Variants in SLC14A2 observed in about 807,000 individuals in gnomAD.
SLC14A2 encodes the protein urea transporter 2.
Under a neutral mutation model 104.6 loss-of-function variants are expected in SLC14A2, and 91 were observed. That is an observed-to-expected ratio of 0.87 (90% CI 0.73 to 1.04). The LOEUF (loss-of-function observed/expected upper bound fraction) is 1.04, where lower values mean the gene tolerates loss of function less well. SLC14A2 is among the 50% of genes least tolerant of loss of function. The probability of loss-of-function intolerance (pLI) is 0.00; values close to 1 mark genes in which losing one functional copy is unlikely to be tolerated. For synonymous variants in SLC14A2, 476 were observed against 466.4 expected, an observed-to-expected ratio of 1.02 and a Z score of -0.27; for missense variants, 1,189 against 1,156.0, an observed-to-expected ratio of 1.03 and a Z score of -0.41.
intron 2 of SLC14A2, among the ~76,000 whole-genome samples, chr18:45,550,730 G>C (rs1190267179): frequency 1.3e-5 from 2 of 152,130 alleles, no homozygotes; most frequent in African/African-American, 4.8e-5. Context: ...GCTGTTTAAG[G>C]CTGGATCTGA....
At chr18:45,327,648 T>G (rs1169108773) in intron 1 of SLC14A2, among the ~76,000 whole-genome samples, 2 of 151,330 alleles carry the variant, frequency 1.3e-5, no homozygotes, top group African/African-American at 2.5e-5. Context: ...TGTCCTTTTG[T>G]GTCTGGCTTC....
At chr18:45,342,121 C>T (rs1294269891) in intron 1 of SLC14A2, among the ~76,000 whole-genome samples, 1 of 152,182 alleles carries the variant, frequency 6.6e-6, no homozygotes, top group African/African-American at 2.4e-5. Context: ...AATGAAGTAG[C>T]TGTACATTTC....
chr18:45,358,295 G>A (rs1189886284), intron 1 of SLC14A2, among the ~76,000 whole-genome samples: 1 of 152,170 alleles, frequency 6.6e-6, no homozygotes, highest in Non-Finnish European at 1.5e-5. Context: ...ATGACGCTTG[G>A]ACAGCAGCCT....
chr18:45,626,977 G>A lies in SLC14A2; in HGVS notation c.351G>A (p.Gln117=), dbSNP rs775882389. The A allele has an allele frequency of 1.2e-6, 2 of 1,612,090 alleles. No homozygotes were observed. Among genetic ancestry groups the A allele is most frequent in the South Asian group, 2.2e-5 (2 of 90,972 alleles). Reference sequence around the variant, plus strand: ...TTTCAGACAAGCACCTTGCCCTCCAGTTCATAGACTGGGTCCTGAGAGGGA... The same window carrying A: ...TTTCAGACAAGCACCTTGCCCTCCAATTCATAGACTGGGTCCTGAGAGGGA... The part of the protein sequence containing the change: ...IWLKDKHLAL[Q]FIDWVLRGTA... The change falls in exon 4 of 20, where the codon CAG becomes CAA. Residue 117 remains glutamine, a synonymous_variant. Transcript: ENST00000255226.
At chr18:45,219,772 G>C (rs1020395250) in intron 1 of SLC14A2, among the ~76,000 whole-genome samples, 54 of 152,134 alleles carry the variant, frequency 3.5e-4, no homozygotes, top group African/African-American at 1.2e-3. Flanking sequence ...CAGTGTTATT[G>C]AGGGACAGAG....
chr18:45,673,923 C>G, intron 18 of SLC14A2, 106 bp downstream of exon 18: 3 of 1,129,030 alleles, frequency 2.7e-6, no homozygotes, highest in Non-Finnish European at 3.8e-6. Context: ...AGATTAAACA[C>G]TATTTTCACT....
chr18:45,511,174 G>T (rs2043361087), intron 2 of SLC14A2, among the ~76,000 whole-genome samples: 1 of 151,960 alleles, frequency 6.6e-6, no homozygotes, highest in African/African-American at 2.4e-5. Flanking sequence ...CACATCCTTG[G>T]CACTTGTTTC....
chr18:45,181,259 A>G, the SLC14A2 span: 1 of 152,236 alleles, frequency 6.6e-6, no homozygotes, highest in African/African-American at 2.4e-5. Context: ...TCTTGCTTTC[A>G]GACTTCTTCA....
chr18:45,209,058 C>G (rs1006358293), upstream of SLC14A2, among the ~76,000 whole-genome samples: 2 of 149,394 alleles, frequency 1.3e-5, no homozygotes, highest in African/African-American at 4.9e-5. Context: ...CAACTGTGGC[C>G]GAGCACGGTG....
At chr18:45,604,441 C>A (rs2044836933) in intron 2 of SLC14A2, among the ~76,000 whole-genome samples, 1 of 151,894 alleles carries the variant, frequency 6.6e-6, no homozygotes, top group Non-Finnish European at 1.5e-5. Flanking sequence ...TACTCCAAAT[C>A]ATGCAGTCTA....
rs1177653085 is a variant in SLC14A2 at position 45,644,145 on chromosome 18, G to A, written c.1336G>A (p.Glu446Lys). 3 of 1,614,216 alleles carry A rather than the reference G, an allele frequency of 1.9e-6. No homozygotes were observed. Among genetic ancestry groups the A allele is most frequent in the Non-Finnish European group, 2.5e-6 (3 of 1,180,026 alleles). ...YYLTVKSGEE[E>K]KAPSGGGGEH... ...CCTGACAGTGAAAAGCGGTGAAGAA[G>A]AGAAGGCCCCCAGCGGTGAATAGCC... The change falls in exon 10 of 20, where the codon GAG (glutamate) becomes AAG (lysine). Residue 446 changes from glutamate (E) to lysine (K), a missense_variant. Physicochemically the swap from Glu to Lys is moderately conservative, Grantham distance 56. Coordinates refer to ENST00000255226, the MANE Select transcript of SLC14A2 (RefSeq NM_007163.4).
chr18:45,527,070 G>A (rs1243629879), intron 2 of SLC14A2, among the ~76,000 whole-genome samples: 2 of 152,142 alleles, frequency 1.3e-5, no homozygotes, highest in East Asian at 1.9e-4. Flanking sequence ...CCCAGAGAGG[G>A]GCATGACTTG....
intron 1 of SLC14A2, among the ~76,000 whole-genome samples, chr18:45,304,382 G>T (rs980875938): frequency 1.1e-4 from 16 of 152,180 alleles, no homozygotes; most frequent in Admixed American, 9.8e-4. Flanking sequence ...TCATGGACAA[G>T]GATTCTGCTT....
intron 2 of SLC14A2, among the ~76,000 whole-genome samples, chr18:45,492,369 G>A (rs148815971): frequency 9.3e-4 from 141 of 152,306 alleles, no homozygotes; most frequent in Admixed American, 2.4e-3. Flanking sequence ...TCTGCACGGC[G>A]GGTGAGACCT....
chr18:45,212,328 G>T (rs931486708), upstream of SLC14A2, among the ~76,000 whole-genome samples: 1 of 152,162 alleles, frequency 6.6e-6, no homozygotes, highest in African/African-American at 2.4e-5. Flanking sequence ...CTGTATTATG[G>T]TTTTGAAGCT....
At chr18:45,370,040 T>TG (rs2085706282) in intron 1 of SLC14A2, among the ~76,000 whole-genome samples, 1 of 152,220 alleles carries the variant, frequency 6.6e-6, no homozygotes, top group Non-Finnish European at 1.5e-5. Flanking sequence ...AGCCATCTTC[T>TG]CTAACCAACA....
chr18:45,318,313 G>T (rs2085150410), intron 1 of SLC14A2, among the ~76,000 whole-genome samples: 1 of 152,140 alleles, frequency 6.6e-6, no homozygotes, highest in Non-Finnish European at 1.5e-5. Context: ...TGTGAGAGGA[G>T]GCCCAGGTTT....
At chr18:45,200,046 G>C in the SLC14A2 span, among the ~76,000 whole-genome samples, 77,064 of 151,818 alleles carry the variant, frequency 0.51, 20,040 homozygotes, top group East Asian at 0.77. Context: ...TTTAACCTCT[G>C]CCTATATCTA....
At chr18:45,442,560 G>T (rs987020675) in intron 1 of SLC14A2, among the ~76,000 whole-genome samples, 4 of 151,964 alleles carry the variant, frequency 2.6e-5, no homozygotes, top group Non-Finnish European at 4.4e-5. Flanking sequence ...AGGTTATGTT[G>T]GATTAGGAGC....
Sources: gnomAD v4.1 joint callset for allele counts (sites outside exome capture counted in the v4.1 genomes callset) on GRCh38, gnomAD v4.1.1 for gene constraint, MANE v1.5 for transcripts, NCBI Gene and HGNC (gene_info 2026-07-23, HGNC 2026-07-21) for gene names.